ANO3: variants seen among roughly 807,000 people sequenced by gnomAD.
ANO3 encodes the protein anoctamin 3.
A neutral mutation model predicts 144.8 loss-of-function variants in ANO3; 99 were observed. That is an observed-to-expected ratio of 0.68 (90% confidence interval 0.58 to 0.81). The LOEUF (loss-of-function observed/expected upper bound fraction) is 0.81, where lower values mean the gene tolerates loss of function less well. Among genes scored for constraint, ANO3 ranks in the 30% least tolerant of loss-of-function variants. The probability of loss-of-function intolerance (pLI) is 0.00; values close to 1 mark genes in which losing one functional copy is unlikely to be tolerated. For missense variants in ANO3, 905 were observed against 1,202.2 expected, an observed-to-expected ratio of 0.75 and a Z score of 3.66; for synonymous variants, 414 against 392.6, an observed-to-expected ratio of 1.05 and a Z score of -0.64.
intron 1 of ANO3, chr11:26,309,725 T>C: frequency 2.0e-6 from 2 of 981,444 alleles, no homozygotes; most frequent in Non-Finnish European, 2.4e-6. Context: ...TGAAGGTGAG[T>C]CTTGGGGATG....
intron 1 of ANO3, among the ~76,000 whole-genome samples, chr11:26,372,842 G>T (rs1186160210): frequency 2.0e-5 from 3 of 151,946 alleles, no homozygotes; most frequent in Non-Finnish European, 2.9e-5. Context: ...AGATAGTTTG[G>T]CCATTTCACT....
At chr11:26,255,036 T>C (rs1853024283) in intron 1 of ANO3, among the ~76,000 whole-genome samples, 1 of 152,172 alleles carries the variant, frequency 6.6e-6, no homozygotes, top group Admixed American at 6.6e-5. Flanking sequence ...CATTCAGTTG[T>C]TTCTCTGTAA....
intron 1 of ANO3, among the ~76,000 whole-genome samples, chr11:26,372,495 G>C (rs1026118731): frequency 1.3e-5 from 2 of 152,140 alleles, no homozygotes; most frequent in African/African-American, 4.8e-5. Context: ...TTATAGAAGA[G>C]GATACTCTTT....
At chr11:26,353,660 C>T (rs1564978926) in intron 1 of ANO3, among the ~76,000 whole-genome samples, 1 of 152,200 alleles carries the variant, frequency 6.6e-6, no homozygotes, top group African/African-American at 2.4e-5. Context: ...ATTCCGACTG[C>T]CTGGTACAAC....
chr11:26,215,418 C>T (rs1246879671), intron 1 of ANO3, among the ~76,000 whole-genome samples: 2 of 151,902 alleles, frequency 1.3e-5, no homozygotes, highest in Admixed American at 1.3e-4. Flanking sequence ...CAGTTGGCTC[C>T]GTTGTCCCTT....
intron 4 of ANO3, among the ~76,000 whole-genome samples, chr11:26,480,550 G>C (rs897212621): frequency 6.6e-6 from 1 of 152,166 alleles, no homozygotes; most frequent in African/African-American, 2.4e-5. Context: ...ACTCATGCCT[G>C]TAATCCCAAC....
chr11:26,255,011 A>C (rs895012862), intron 1 of ANO3, among the ~76,000 whole-genome samples: 9 of 152,158 alleles, frequency 5.9e-5, no homozygotes, highest in African/African-American at 9.7e-5. Context: ...ATCAAATCCC[A>C]CATTGTGTTC....
intron 26 of ANO3, 145 bp downstream of exon 26, chr11:26,656,626 T>C: frequency 4.9e-6 from 3 of 617,610 alleles, no homozygotes; most frequent in Non-Finnish European, 2.9e-6. Flanking sequence ...ATGAAAGCAT[T>C]ATTACAAGTA....
chr11:26,547,641 G>T, intron 12 of ANO3, 91 bp downstream of exon 12: 4 of 1,204,974 alleles, frequency 3.3e-6, no homozygotes, highest in East Asian at 2.4e-5. Context: ...AAAATCAAAT[G>T]GTTGATGATA....
At chr11:26,486,096 G>T (rs2134096919) in intron 4 of ANO3, among the ~76,000 whole-genome samples, 1 of 152,184 alleles carries the variant, frequency 6.6e-6, no homozygotes, top group East Asian at 1.9e-4. Flanking sequence ...AGGCGCGATG[G>T]CTCATGCCTG....
chr11:26,352,043 G>A (rs563483262), intron 1 of ANO3, among the ~76,000 whole-genome samples: 56 of 152,268 alleles, frequency 3.7e-4, no homozygotes, highest in Admixed American at 3.2e-3. Context: ...ATCCTACTGG[G>A]CTTACCTCGA....
intron 19 of ANO3, 78 bp from the exon 20 acceptor site, chr11:26,634,935 C>CA (rs1459759000): frequency 8.6e-6 from 10 of 1,157,246 alleles, no homozygotes; most frequent in African/African-American, 4.5e-5. Flanking sequence ...CCCACACATG[C>CA]ACTCGTTGTG....
intron 1 of ANO3, among the ~76,000 whole-genome samples, chr11:26,279,839 T>A (rs1170618345): frequency 6.6e-6 from 1 of 152,192 alleles, no homozygotes; most frequent in Non-Finnish European, 1.5e-5. Flanking sequence ...ACTACAGACC[T>A]AAACAGAATA....
intron 1 of ANO3, among the ~76,000 whole-genome samples, chr11:26,218,170 G>C (rs749695888): frequency 3.9e-5 from 6 of 152,050 alleles, no homozygotes; most frequent in Non-Finnish European, 7.4e-5. Context: ...ATGAAGTTGA[G>C]TGGTCCTGGC....
At chr11:26,221,827 C>T (rs951105839) in intron 1 of ANO3, among the ~76,000 whole-genome samples, 14 of 152,126 alleles carry the variant, frequency 9.2e-5, no homozygotes, top group African/African-American at 3.4e-4. Flanking sequence ...GTTAAGAACT[C>T]ACTCATTCAC....
intron 1 of ANO3, among the ~76,000 whole-genome samples, chr11:26,267,367 T>A (rs527837759): frequency 1.3e-5 from 2 of 152,294 alleles, no homozygotes; most frequent in African/African-American, 4.8e-5. Flanking sequence ...TTTGCCAGAA[T>A]TTCATCACTA....
chr11:26,415,395 A>G (rs1233929245), intron 1 of ANO3, among the ~76,000 whole-genome samples: 6 of 152,076 alleles, frequency 3.9e-5, no homozygotes, highest in African/African-American at 1.4e-4. Flanking sequence ...TTCTAGTGCC[A>G]TTCTTTTTCA....
At chr11:26,568,478 T>A (rs1478202856) in intron 14 of ANO3, among the ~76,000 whole-genome samples, 1 of 151,930 alleles carries the variant, frequency 6.6e-6, no homozygotes, top group Non-Finnish European at 1.5e-5. Flanking sequence ...CATAGTTTTT[T>A]TTTTTAATAC....
intron 1 of ANO3, chr11:26,285,983 TGA>T (rs1853797662): frequency 6.6e-6 from 1 of 152,162 alleles, no homozygotes; most frequent in African/African-American, 2.4e-5. Flanking sequence ...CAAGGTGTTG[TGA>T]GTTATTAAAG....
Sources: gnomAD v4.1 joint callset for allele counts (sites outside exome capture counted in the v4.1 genomes callset) on GRCh38, gnomAD v4.1.1 for gene constraint, MANE v1.5 for transcripts, NCBI Gene and HGNC (gene_info 2026-07-23, HGNC 2026-07-21) for gene names.